PIK3R5: variants seen among roughly 807,000 people sequenced by gnomAD.
PIK3R5 encodes phosphoinositide 3-kinase regulatory subunit 5.
Under a neutral mutation model 94.9 loss-of-function variants are expected in PIK3R5, and 32 were observed. That is an observed-to-expected ratio of 0.34 (90% CI 0.25 to 0.45). The LOEUF is 0.45. Ranked by LOEUF, PIK3R5 falls within the 20% of genes least tolerant of loss-of-function variation. The pLI, the probability that PIK3R5 is intolerant of heterozygous loss-of-function variation, is 1.00. For missense variants in PIK3R5, 853 were observed against 1,144.6 expected (o/e 0.75, Z 3.68); for synonymous variants, 443 against 479.4 (o/e 0.92, Z 0.99).
intron 1 of PIK3R5, chr17:8,916,229 C>T (rs1386704095): frequency 6.6e-6 from 1 of 152,376 alleles, no homozygotes; most frequent in Non-Finnish European, 1.5e-5. Context: ...ACCACCCACC[C>T]CTTTGACACG....
chr17:8,894,285 C>T (rs1370918890), intron 5 of PIK3R5, among the ~76,000 whole-genome samples: 1 of 152,214 alleles, frequency 6.6e-6, no homozygotes, highest in Non-Finnish European at 1.5e-5. Context: ...TCTTGTGCCG[C>T]AGGGCTACTC....
intron 1 of PIK3R5, among the ~76,000 whole-genome samples, chr17:8,964,514 C>T (rs1198216258): frequency 2.0e-5 from 3 of 152,124 alleles, no homozygotes; most frequent in Admixed American, 6.5e-5. Flanking sequence ...CAGCTGGATC[C>T]GGTTGGAACT....
chr17:8,914,445 C>T (rs1048624380), intron 1 of PIK3R5, among the ~76,000 whole-genome samples: 8 of 152,310 alleles, frequency 5.3e-5, no homozygotes, highest in Non-Finnish European at 7.4e-5. Flanking sequence ...AGGACGTGGG[C>T]GCAGCCACTC....
rs904940559 is a variant in PIK3R5, at chr17:8,904,559, G to A, written c.412+218C>T. 2.0e-5 allele frequency among the ~76,000 whole-genome samples: 3 copies of A among 152,236 alleles called. No individual in the cohort carries two copies. Among genetic ancestry groups the A allele is most frequent in the African/African-American group, 4.8e-5 (2 of 41,548 alleles). ...CTACTTCCCCTAACAATCCCTCCTCGAGTTACCTCCCATATTTACTTTCAT... is the reference window on the plus strand; with the variant it reads ...CTACTTCCCCTAACAATCCCTCCTCAAGTTACCTCCCATATTTACTTTCAT... On this transcript the variant is annotated intron_variant, in intron 5 of 18. Transcript: ENST00000447110. This position sits in a 1 kb window ranked among gnomAD's most constrained non-coding sequence, Gnocchi z 5.1.
intron 5 of PIK3R5, among the ~76,000 whole-genome samples, chr17:8,897,364 G>A (rs1355532844): frequency 2.0e-5 from 3 of 152,230 alleles, no homozygotes; most frequent in African/African-American, 4.8e-5. Context: ...CAGAGGAGAT[G>A]TGAGTTCTTG....
chr17:8,912,216 C>T (rs554754287), intron 1 of PIK3R5, among the ~76,000 whole-genome samples: 5 of 152,058 alleles, frequency 3.3e-5, no homozygotes, highest in African/African-American at 7.2e-5. Context: ...GTTTTAGCCC[C>T]GTATGGGGAA....
In PIK3R5 at chr17:8,890,870, G is replaced by T. The variant is rs1236222968; in HGVS notation, c.525C>A (p.Phe175Leu). The T allele has an allele frequency of 6.2e-7, 1 of 1,613,854 alleles. No individual in the cohort carries two copies. The stretch of plus-strand genomic sequence containing the variant: ...TACTCAGCTTATTGGCTACAGCAAG[G>T]AACTCGGCCTGCACTTCCACTGGGT... ...LLNPVEVQAE[F>L]LAVANKLSTP... Residue 175 changes from phenylalanine to leucine, a missense_variant, in exon 7 of 19, where the codon TTC (phenylalanine) becomes TTA (leucine). Transcript: ENST00000447110. The surrounding 1 kb of genome is among the most constrained non-coding windows in gnomAD (Gnocchi z 6.1).
At position 8,881,605 on chromosome 17, in the gene PIK3R5, G is replaced by A; in HGVS notation, c.2382+25C>T. On this transcript the variant is annotated intron_variant, in intron 17 of 18. Transcript: ENST00000447110. The surrounding 1 kb of genome is among the most constrained non-coding windows in gnomAD (Gnocchi z 4.8). ...CTCCAGTAAGTCTCTTGAGGGTATG[G>A]CTGGAAGGAGAGGGAAGCCCGTACC... 1.3e-6 allele frequency: 2 copies of A among 1,585,622 alleles called. No homozygotes were observed. The highest frequency in any genetic ancestry group is 1.7e-6 in the Non-Finnish European group (2 of 1,158,476).
At position 8,881,641 on chromosome 17, in the gene PIK3R5, C is replaced by T. The variant is rs1414150404; in HGVS notation, c.2371G>A (p.Gly791Ser). ...VKRQNSKSKK[G>S]FNQISTSQIK... is the part of the protein sequence containing the mutation. ...AGGGAAGCCCGTACCTGGTTAAAGC[C>T]CTTCTTGGATTTGGAGTTCTGCCTT... is the stretch of plus-strand genomic sequence containing the variant. Residue 791 changes from glycine to serine, a missense_variant, in exon 17 of 19, where the codon GGC (glycine) becomes AGC (serine). Physicochemically the swap from Gly to Ser is moderately conservative, Grantham distance 56. Transcript: ENST00000447110. The surrounding 1 kb of genome is among the most constrained non-coding windows in gnomAD (Gnocchi z 4.8). 2 of 1,612,784 alleles carry T rather than the reference C, an allele frequency of 1.2e-6. No individual in the cohort carries two copies. Among genetic ancestry groups the T allele is most frequent in the East Asian group, 2.2e-5 (1 of 44,882 alleles).
chr17:8,890,938 G>T lies in PIK3R5; in HGVS notation c.483-26C>A. The T allele has an allele frequency of 6.2e-7, 1 of 1,607,726 alleles. No homozygotes were observed. The highest frequency in any genetic ancestry group is 1.1e-5 in the South Asian group (1 of 90,282). On this transcript the variant is annotated intron_variant, in intron 6 of 18. Transcript: ENST00000447110. The surrounding 1 kb of genome is among the most constrained non-coding windows in gnomAD (Gnocchi z 6.1). Reference sequence around the variant, plus strand: ...CTGGGGACACAGGGGACCGGCTATGGCACCCAGGGGTGCGCAGCATGCCAC... The same window carrying T: ...CTGGGGACACAGGGGACCGGCTATGTCACCCAGGGGTGCGCAGCATGCCAC...
Position 8,917,276 on chromosome 17 carries a change from C to T in PIK3R5, c.-13-5769G>A, listed in dbSNP as rs76685342. Among the ~76,000 whole-genome samples, 6 of 152,198 alleles carry T rather than the reference C, an allele frequency of 3.9e-5. No homozygotes were observed. In the South Asian group the frequency reaches 1.0e-3, roughly 26 times the overall value. The stretch of plus-strand genomic sequence containing the variant: ...ATTATCTGTGTGTATAGCTTTAACG[C>T]TTAGAACCATGGCGATATTTTACAT... On this transcript the variant is annotated intron_variant, in intron 1 of 18. Transcript: ENST00000447110.
Position 8,893,663 on chromosome 17 carries a change from T to C in PIK3R5, c.413-8A>G. ...GTCTCTGGTAGGAGATCCCTGTGGG[T>C]CAAGAAGAAAAGAGTTCATGGGCTG... On this transcript the variant is annotated splice_polypyrimidine_tract_variant and splice_region_variant and intron_variant, in intron 5 of 18. Coordinates refer to ENST00000447110, the MANE Select transcript of PIK3R5 (RefSeq NM_001142633.3). The surrounding 1 kb of genome is among the most constrained non-coding windows in gnomAD (Gnocchi z 5.1). 6.2e-7 allele frequency: 1 copy of C among 1,611,666 alleles called. No individual in the cohort carries two copies. The highest frequency in any genetic ancestry group is 8.5e-7 in the Non-Finnish European group (1 of 1,177,904).
chr17:8,907,380 C>T (rs1382827775), intron 3 of PIK3R5, among the ~76,000 whole-genome samples: 1 of 152,060 alleles, frequency 6.6e-6, no homozygotes, highest in Admixed American at 6.5e-5. Flanking sequence ...TGGTATTTTA[C>T]ATATTTTGCA....
In PIK3R5 at chr17:8,942,700, G is replaced by T. The variant is rs370627737; in HGVS notation, c.-14+22896C>A. The stretch of plus-strand genomic sequence containing the variant: ...TGCTCACTGCAAGCTCCGCCTCCCG[G>T]GTTCACGCCATTCTCCTGCCTCAGC... On this transcript the variant is annotated intron_variant, in intron 1 of 18. Transcript: ENST00000447110. Among the ~76,000 whole-genome samples, 41 of 152,030 alleles carry T rather than the reference G, an allele frequency of 2.7e-4. 1 individual carries two copies. The highest frequency in any genetic ancestry group is 4.6e-4 in the Admixed American group (7 of 15,252).
chr17:8,965,669 C>G lies in PIK3R5; in HGVS notation c.-87G>C, dbSNP rs377460165. ...CGATTCGGGTGACCGTCGGGACCAC[C>G]GCGCCCCAGCTGGAGCCGCGCGGCG... On this transcript the variant is annotated 5_prime_UTR_variant, in exon 1 of 19. Transcript: ENST00000447110. 2 of 152,338 alleles carry G rather than the reference C, an allele frequency of 1.3e-5. No individual in the cohort carries two copies. Among genetic ancestry groups the G allele is most frequent in the African/African-American group, 2.4e-5 (1 of 41,458 alleles). The allele number at this position is 152,338 out of a possible 1,614,324, so 9.4% of individuals were successfully genotyped here.
At chr17:8,883,926 C>G (rs1377698128) in intron 15 of PIK3R5, among the ~76,000 whole-genome samples, 3 of 152,318 alleles carry the variant, frequency 2.0e-5, no homozygotes, top group Middle Eastern at 3.4e-3. Context: ...TCGGTGCCTC[C>G]TGCCCACCTC....
In PIK3R5 at chr17:8,904,778, T is replaced by C. The variant is rs2090359696; in HGVS notation, c.411A>G (p.Pro137=). The change falls in exon 5 of 19, where the codon CCA becomes CCG. Residue 137 remains proline, a splice_region_variant and synonymous_variant. Transcript: ENST00000447110. The surrounding 1 kb of genome is among the most constrained non-coding windows in gnomAD (Gnocchi z 5.1). The part of the protein sequence containing the change: ...LTFIDAELKA[P]GISYQRLVRA... ...CGTGCCAGCTGCCTCAGTGCTTACC[T>C]GGGGCCTTGAGTTCAGCATCAATGA... 1.2e-6 allele frequency: 2 copies of C among 1,613,988 alleles called. No homozygotes were observed. The highest frequency in any genetic ancestry group is 1.7e-5 in the Admixed American group (1 of 59,988).
At chr17:8,901,025 G>A (rs951126472) in intron 5 of PIK3R5, among the ~76,000 whole-genome samples, 6 of 152,238 alleles carry the variant, frequency 3.9e-5, no homozygotes, top group Middle Eastern at 3.4e-3. Flanking sequence ...TTCTCTGAGC[G>A]TACTCGAAAG....
chr17:8,924,714 C>G (rs2090835806), intron 1 of PIK3R5, among the ~76,000 whole-genome samples: 1 of 152,180 alleles, frequency 6.6e-6, no homozygotes, highest in African/African-American at 2.4e-5. Context: ...AAAAATCTCT[C>G]AAATTCTCCC....
Sources: gnomAD v4.1 joint callset for allele counts (sites outside exome capture counted in the v4.1 genomes callset) on GRCh38, gnomAD v4.1.1 for gene constraint, Gnocchi (gnomAD v3.1) non-coding constraint, MANE v1.5 for transcripts, NCBI Gene and HGNC (gene_info 2026-07-23, HGNC 2026-07-21) for gene names.